The following ADD3 variants were observed in gnomAD, a reference collection of about 807,000 sequenced individuals.
The protein encoded by ADD3 is adducin 3, also known as gamma-adducin.
Under a neutral mutation model 80.2 loss-of-function variants are expected in ADD3, and 25 were observed. The ratio of observed to expected loss-of-function variants is 0.31; its 90% CI spans 0.23 to 0.44. ADD3 has a LOEUF of 0.44. ADD3 is among the 20% of genes least tolerant of loss of function. The pLI is 1.00. For synonymous variants in ADD3, 284 were observed against 289.6 expected (o/e 0.98, Z 0.20); for missense variants, 829 against 847.5 (o/e 0.98, Z 0.27).
chr10:110,092,878 G>C (rs1847719361), intron 1 of ADD3, among the ~76,000 whole-genome samples: 1 of 151,984 alleles, frequency 6.6e-6, no homozygotes. Context: ...GGAGGCTGGA[G>C]AGACAGAGTC....
intron 1 of ADD3, among the ~76,000 whole-genome samples, chr10:110,099,621 T>G (rs937094601): frequency 6.6e-6 from 1 of 152,248 alleles, no homozygotes; most frequent in Non-Finnish European, 1.5e-5. Flanking sequence ...GTGAATACAA[T>G]ATAAAATGTT....
chr10:110,126,495 C>T lies in ADD3; in HGVS notation c.1600C>T (p.Pro534Ser). 1.2e-6 allele frequency: 2 copies of T among 1,610,806 alleles called. No individual in the cohort carries two copies. The highest frequency in any genetic ancestry group is 1.7e-4 in the Middle Eastern group (1 of 6,046). The change falls in exon 12 of 15, where the codon CCA (proline) becomes TCA (serine). Residue 534 changes from proline to serine, a missense_variant. Transcript: ENST00000356080. ...QLLAGIVVDKPPSTMQFEDDD... is the reference protein window; with the variant it reads ...QLLAGIVVDKSPSTMQFEDDD... ...GCTTGCTGGAATTGTTGTGGATAAG[C>T]CACCTTCTGTAAGTTTATGAAGTAG... is the stretch of plus-strand genomic sequence containing the variant.
At chr10:110,057,207 T>G (rs1475259232) in intron 1 of ADD3, among the ~76,000 whole-genome samples, 1 of 152,240 alleles carries the variant, frequency 6.6e-6, no homozygotes, top group Admixed American at 6.5e-5. Flanking sequence ...TTGGGTATTA[T>G]GTGACAACTA....
chr10:110,098,634 ATT>A (rs71486095), intron 1 of ADD3, among the ~76,000 whole-genome samples: 1 of 146,564 alleles, frequency 6.8e-6, no homozygotes, highest in African/African-American at 2.5e-5. Context: ...TGAATACAGA[ATT>A]TTTTTTTTTT....
intron 5 of ADD3, 75 bp downstream of exon 5, chr10:110,117,497 A>G (rs898401815): frequency 4.6e-6 from 4 of 861,662 alleles, no homozygotes; most frequent in Admixed American, 4.0e-5. Context: ...CTTTTAGCAC[A>G]GGACAGAATA....
intron 1 of ADD3, among the ~76,000 whole-genome samples, chr10:110,091,436 C>T (rs1339417953): frequency 1.3e-5 from 2 of 152,162 alleles, no homozygotes; most frequent in African/African-American, 4.8e-5. Flanking sequence ...AAAACAGACA[C>T]ATAGACCAAT....
At chr10:110,119,589 TA>T in intron 8 of ADD3, 25 bp downstream of exon 8, 1 of 1,580,496 alleles carries the variant, frequency 6.3e-7, no homozygotes, top group Non-Finnish European at 8.7e-7. Context: ...TCCCCTTTTT[TA>T]ATTGCTTTGT....
intron 1 of ADD3, among the ~76,000 whole-genome samples, chr10:110,032,213 T>C (rs1209006502): frequency 1.3e-5 from 2 of 152,234 alleles, no homozygotes; most frequent in African/African-American, 4.8e-5. Context: ...ATAAGTGTTA[T>C]GTAATCCTAG....
intron 2 of ADD3, among the ~76,000 whole-genome samples, chr10:110,107,364 A>G (rs1849505298): frequency 6.6e-6 from 1 of 152,160 alleles, no homozygotes; most frequent in Non-Finnish European, 1.5e-5. Context: ...AGAACAGTGG[A>G]AGTCAATACT....
At chr10:110,009,239 G>A (rs1412938772) in intron 1 of ADD3, among the ~76,000 whole-genome samples, 2 of 152,188 alleles carry the variant, frequency 1.3e-5, no homozygotes, top group African/African-American at 4.8e-5. Context: ...GTTTGGGGAA[G>A]GAATTGATAA....
chr10:110,117,686 A>C (rs374280270), intron 5 of ADD3, among the ~76,000 whole-genome samples: 1 of 150,630 alleles, frequency 6.6e-6, no homozygotes, highest in Non-Finnish European at 1.5e-5. Flanking sequence ...TTACCACCCT[A>C]TACACTCAGA....
chr10:110,024,769 A>C (rs572512906), intron 1 of ADD3, among the ~76,000 whole-genome samples: 1 of 152,326 alleles, frequency 6.6e-6, no homozygotes, highest in East Asian at 1.9e-4. Context: ...TTCAAAGTTA[A>C]ACTTACTATT....
chr10:110,094,347 T>C (rs998704617), intron 1 of ADD3, among the ~76,000 whole-genome samples: 1 of 152,206 alleles, frequency 6.6e-6, no homozygotes, highest in Non-Finnish European at 1.5e-5. Context: ...AATGTAACTT[T>C]AGAAAAGTCA....
At chr10:110,050,196 G>A (rs556578417) in intron 1 of ADD3, among the ~76,000 whole-genome samples, 1 of 152,272 alleles carries the variant, frequency 6.6e-6, no homozygotes, top group East Asian at 1.9e-4. Flanking sequence ...ATGAGATTTG[G>A]AGGGTCCAGA....
intron 2 of ADD3, among the ~76,000 whole-genome samples, chr10:110,101,311 C>T (rs375694567): frequency 5.3e-5 from 8 of 151,904 alleles, no homozygotes; most frequent in South Asian, 2.1e-4. Context: ...TGCAAGCACA[C>T]GTGACTACAC....
Position 110,050,481 on chromosome 10 carries a change from G to A in ADD3, c.-30+42182G>A, listed in dbSNP as rs527528729. Among the ~76,000 whole-genome samples, 12 of 149,712 alleles carry A rather than the reference G, an allele frequency of 8.0e-5. No individual in the cohort carries two copies. In the East Asian group the frequency reaches 2.1e-3, roughly 27 times the overall value. ...GTGATTGTGAGTCCTCCCCAGCCAC[G>A]TGGAACTGTGAGTCCATTAAACCTC... On this transcript the variant is annotated intron_variant, in intron 1 of 14. Coordinates refer to ENST00000356080, the MANE Select transcript of ADD3 (RefSeq NM_016824.5).
At chr10:110,111,078 G>A (rs17127084) in intron 2 of ADD3, among the ~76,000 whole-genome samples, 3,374 of 152,184 alleles carry the variant, frequency 0.022, 131 homozygotes, top group African/African-American at 0.073. Context: ...TATTCCTACC[G>A]TCACGAGGCA....
chr10:110,133,784 T>TC lies in ADD3; in HGVS notation c.*167dup, dbSNP rs1044309961. The TC allele has an allele frequency of 1.9e-6, 1 of 531,144 alleles. No individual in the cohort carries two copies. Among genetic ancestry groups the TC allele is most frequent in the Non-Finnish European group, 3.1e-6 (1 of 321,588 alleles). The allele number at this position is 531,144 out of a possible 1,614,324, so 32.9% of individuals were successfully genotyped here. On this transcript the variant is annotated 3_prime_UTR_variant, in exon 15 of 15. Transcript: ENST00000356080. The stretch of plus-strand genomic sequence containing the variant: ...TACAAAAGAAAAACTTTCAGATTCA[T>TC]CTCTCATTTTATATGTCCAGAAATG...
intron 2 of ADD3, 34 bp downstream of exon 2, chr10:110,100,882 C>A: frequency 6.5e-7 from 1 of 1,526,966 alleles, no homozygotes; most frequent in Non-Finnish European, 8.8e-7. Flanking sequence ...ATTTTTCTCC[C>A]TCTTTGGAAA....
Sources: allele counts gnomAD v4.1 joint callset (sites outside exome capture counted in the v4.1 genomes callset), GRCh38; gene constraint gnomAD v4.1.1; transcripts MANE v1.5; gene names NCBI Gene and HGNC (gene_info 2026-07-23, HGNC 2026-07-21).